SLCO5A1: variants seen among roughly 807,000 people sequenced by gnomAD.
SLCO5A1 encodes the protein organic anion transporter polypeptide-related protein 4.
SLCO5A1 carries 39 observed loss-of-function variants against 65.1 expected under a neutral mutation model. The observed-to-expected ratio is 0.60, with a 90% CI of 0.46 to 0.78. SLCO5A1 has a LOEUF of 0.78. Ranked by LOEUF, SLCO5A1 falls within the 30% of genes least tolerant of loss-of-function variation. The pLI is 0.00. For missense variants in SLCO5A1, 1,029 were observed against 1,069.4 expected (o/e 0.96, Z 0.53); for synonymous variants, 438 against 415.7 (o/e 1.05, Z -0.65).
intron 5 of SLCO5A1, among the ~76,000 whole-genome samples, chr8:69,715,079 G>C (rs1427536852): frequency 6.6e-6 from 1 of 152,138 alleles, no homozygotes; most frequent in Non-Finnish European, 1.5e-5. Flanking sequence ...ATCTTTGATG[G>C]CTTACAAACC....
At chr8:69,753,552 C>T (rs903567722) in intron 4 of SLCO5A1, among the ~76,000 whole-genome samples, 1 of 152,188 alleles carries the variant, frequency 6.6e-6, no homozygotes, top group African/African-American at 2.4e-5. Context: ...GTTGTATCTG[C>T]TGTTGGTATT....
intron 2 of SLCO5A1, among the ~76,000 whole-genome samples, chr8:69,775,297 A>G (rs1818512125): frequency 6.6e-6 from 1 of 152,246 alleles, no homozygotes; most frequent in Non-Finnish European, 1.5e-5. Flanking sequence ...CCTAAAAAGG[A>G]ACATACAAAT....
chr8:69,710,914 C>T (rs1815212911), intron 5 of SLCO5A1, among the ~76,000 whole-genome samples: 1 of 152,106 alleles, frequency 6.6e-6, no homozygotes, highest in African/African-American at 2.4e-5. Flanking sequence ...TTGCTTGGAT[C>T]TCCGATCAGA....
chr8:69,728,280 T>G (rs1043804696), intron 5 of SLCO5A1, among the ~76,000 whole-genome samples: 3 of 152,164 alleles, frequency 2.0e-5, no homozygotes, highest in African/African-American at 7.2e-5. Flanking sequence ...GATAAACTAA[T>G]GTTTTAAATG....
At chr8:69,714,680 C>A (rs1368264114) in intron 5 of SLCO5A1, among the ~76,000 whole-genome samples, 6 of 152,178 alleles carry the variant, frequency 3.9e-5, no homozygotes, top group African/African-American at 1.4e-4. Flanking sequence ...CGTAGCCTTG[C>A]TGAAATTTTT....
chr8:69,737,884 C>T (rs1816624699), intron 5 of SLCO5A1, among the ~76,000 whole-genome samples, 156 bp downstream of exon 5: 2 of 152,186 alleles, frequency 1.3e-5, no homozygotes, highest in South Asian at 4.1e-4. Flanking sequence ...AAAGAGAACA[C>T]TTTCCAGGAT....
chr8:69,712,242 C>A (rs1019412167), intron 5 of SLCO5A1, among the ~76,000 whole-genome samples: 6 of 152,268 alleles, frequency 3.9e-5, no homozygotes, highest in Non-Finnish European at 8.8e-5. Context: ...TTTATCCAAG[C>A]AAATAGACAT....
At chr8:69,737,659 A>G (rs1816614436) in intron 5 of SLCO5A1, among the ~76,000 whole-genome samples, 1 of 152,200 alleles carries the variant, frequency 6.6e-6, no homozygotes, top group Non-Finnish European at 1.5e-5. Context: ...TCCTGCTACC[A>G]TGAAACTGAT....
chr8:69,720,319 C>T (rs1018272837), intron 5 of SLCO5A1, among the ~76,000 whole-genome samples: 3 of 152,216 alleles, frequency 2.0e-5, no homozygotes, highest in Non-Finnish European at 1.5e-5. Flanking sequence ...CTGACAACCA[C>T]GGGCTTCTTT....
In SLCO5A1 at chr8:69,729,611, T is replaced by C. The variant is rs2860237; in HGVS notation, c.1423+8429A>G. On this transcript the variant is annotated intron_variant, in intron 5 of 9. Coordinates refer to ENST00000260126, the MANE Select transcript of SLCO5A1 (RefSeq NM_030958.3). ...ACTAGTAAATAAAGAGAAAGAATCA[T>C]ATAAGAAATTACGGTCATTGGGGGA... 9.1e-3 allele frequency among the ~76,000 whole-genome samples: 1,379 copies of C among 152,224 alleles called. 16 individuals carry two copies. The highest frequency in any genetic ancestry group is 0.022 in the South Asian group (107 of 4,818).
rs1306300681 is a variant in SLCO5A1 at position 69,831,922 on chromosome 8, C to T, written c.752G>A (p.Cys251Tyr). Reference protein sequence around the residue: ...NSTATLEPPACPKDSGGNNHW... With the variant: ...NSTATLEPPAYPKDSGGNNHW... ...ATTATTTCCTCCCGAGTCCTTCGGA[C>T]AGGCCGGAGGCTCCAAAGTGGCGGT... is the stretch of plus-strand genomic sequence containing the variant. Residue 251 changes from cysteine to tyrosine, a missense_variant, in exon 2 of 10, where the codon TGT (cysteine) becomes TAT (tyrosine). By Grantham distance (194) the Cys-to-Tyr change is radical. Transcript: ENST00000260126. 1 of 1,606,562 alleles carries T rather than the reference C, an allele frequency of 6.2e-7. No homozygotes were observed. The highest frequency in any genetic ancestry group is 1.7e-5 in the Admixed American group (1 of 58,396).
chr8:69,697,925 T>C (rs1245388775), intron 6 of SLCO5A1, among the ~76,000 whole-genome samples: 1 of 152,028 alleles, frequency 6.6e-6, no homozygotes, highest in East Asian at 1.9e-4. Context: ...AGGTAAATTA[T>C]GTGTTAAGCG....
In SLCO5A1 at chr8:69,779,625, C is replaced by T. The variant is rs534943083; in HGVS notation, c.908-17750G>A. Among the ~76,000 whole-genome samples, 3 of 152,252 alleles carry T rather than the reference C, an allele frequency of 2.0e-5. 1 individual carries two copies. In the East Asian group the frequency reaches 5.8e-4, roughly 29 times the overall value. ...TAACAACCTTATGGAAAAAAGCATA[C>T]TGTCATTTTCAATTTACAGATGAGA... On this transcript the variant is annotated intron_variant, in intron 2 of 9. Coordinates refer to ENST00000260126, the MANE Select transcript of SLCO5A1 (RefSeq NM_030958.3).
chr8:69,678,859 T>C (rs1377621666), intron 8 of SLCO5A1, among the ~76,000 whole-genome samples: 2 of 151,682 alleles, frequency 1.3e-5, no homozygotes, highest in African/African-American at 4.8e-5. Context: ...GACTCAACTC[T>C]GAAATTTTAT....
At chr8:69,734,695 C>T (rs16936388) in intron 5 of SLCO5A1, among the ~76,000 whole-genome samples, 15,759 of 152,092 alleles carry the variant, frequency 0.1, 901 homozygotes, top group African/African-American at 0.12. Flanking sequence ...CATAACACAA[C>T]GCAAACAAAT....
In SLCO5A1 at chr8:69,711,634, C is replaced by CT. The variant is rs528154968; in HGVS notation, c.1424-6406dup. Reference sequence around the variant, plus strand: ...AGGCAGATCCAGGTAAGAGTCTGGGCTATGTAGCCAGATCCCCTAAGTTCA... The same window carrying CT: ...AGGCAGATCCAGGTAAGAGTCTGGGCTTATGTAGCCAGATCCCCTAAGTTCA... On this transcript the variant is annotated intron_variant, in intron 5 of 9. Transcript: ENST00000260126. 1.3e-3 allele frequency among the ~76,000 whole-genome samples: 198 copies of CT among 152,310 alleles called. 4 individuals are homozygous for CT. The highest frequency in any genetic ancestry group is 4.6e-3 in the African/African-American group (192 of 41,566).
chr8:69,811,075 C>A (rs569714342), intron 2 of SLCO5A1, among the ~76,000 whole-genome samples: 1 of 152,122 alleles, frequency 6.6e-6, no homozygotes, highest in Admixed American at 6.5e-5. Context: ...CATGAGCCAA[C>A]GTCTCAGCAG....
intron 3 of SLCO5A1, among the ~76,000 whole-genome samples, chr8:69,759,676 C>T (rs377137800): frequency 5.3e-5 from 8 of 152,212 alleles, no homozygotes; most frequent in Admixed American, 1.3e-4. Context: ...GATAGAGTCT[C>T]GCTCTGTCAC....
chr8:69,742,794 C>CTTTTTTTT (rs10633803), intron 4 of SLCO5A1, among the ~76,000 whole-genome samples: 22 of 83,192 alleles, frequency 2.6e-4, no homozygotes, highest in South Asian at 5.6e-4. Flanking sequence ...TGAGTGGATT[C>CTTTTTTTT]TTTTTTTTTT....
Sources: allele counts gnomAD v4.1 joint callset (sites outside exome capture counted in the v4.1 genomes callset), GRCh38; gene constraint gnomAD v4.1.1; transcripts MANE v1.5; gene names NCBI Gene and HGNC (gene_info 2026-07-23, HGNC 2026-07-21).